Variants in WDR36 observed in about 807,000 individuals in gnomAD.
The protein encoded by WDR36 is WD repeat-containing protein 36.
Under a neutral mutation model 112.7 loss-of-function variants are expected in WDR36, and 63 were observed. The observed-to-expected ratio is 0.56, with a 90% CI of 0.46 to 0.69. The LOEUF is 0.69. Ranked by LOEUF, WDR36 falls within the 30% of genes least tolerant of loss-of-function variation. The pLI is 0.00. For synonymous variants in WDR36, 410 were observed against 362.2 expected (o/e 1.13, Z -1.50); for missense variants, 1,226 against 1,070.3 (o/e 1.15, Z -2.03).
Position 111,092,406 on chromosome 5 carries a change from A to G in WDR36, c.-51A>G. On this transcript the variant is annotated 5_prime_UTR_variant, in exon 1 of 23. Transcript: ENST00000513710. ...ACTAGACACGCTGAAGGGACTGGGT[A>G]CGTGTTTTCCTTCAGGACCAGAGCT... 5 of 1,614,214 alleles carry G rather than the reference A, an allele frequency of 3.1e-6. No individual in the cohort carries two copies. The highest frequency in any genetic ancestry group is 2.2e-5 in the East Asian group (1 of 44,882).
rs763184729 is a variant in WDR36, at chr5:111,113,135, G to A, written c.1778G>A (p.Trp593Ter). Residue 593 changes from tryptophan to a stop codon, truncating the protein, a stop_gained, in exon 16 of 23, where the codon TGG becomes TAG. Transcript: ENST00000513710. LOFTEE classifies it high-confidence loss of function. ...GCGATGGATTGCTCTATTAGGACTT[G>A]GGACCTTCCTTCTGGGTGGTAAGTT... is the stretch of plus-strand genomic sequence containing the variant. ...SAAMDCSIRT[W>*]DLPSGCLIDC... 1.3e-6 allele frequency: 2 copies of A among 1,588,540 alleles called. No individual in the cohort carries two copies. Among genetic ancestry groups the A allele is most frequent in the Non-Finnish European group, 1.7e-6 (2 of 1,164,612 alleles).
intron 5 of WDR36, among the ~76,000 whole-genome samples, chr5:111,101,309 G>C (rs1753116003): frequency 6.6e-6 from 1 of 151,890 alleles, no homozygotes; most frequent in South Asian, 2.1e-4. Flanking sequence ...TTGCTATAGA[G>C]AAGGCTCTAA....
intron 16 of WDR36, among the ~76,000 whole-genome samples, chr5:111,118,450 A>G (rs1275449665): frequency 1.3e-5 from 2 of 152,132 alleles, no homozygotes; most frequent in African/African-American, 4.8e-5. Context: ...GTTTCCATAA[A>G]TTGCTTTATG....
chr5:111,118,941 A>G, intron 16 of WDR36, 72 bp from the exon 17 acceptor site: 1 of 1,318,068 alleles, frequency 7.6e-7, no homozygotes. Flanking sequence ...TCTTTTTGGC[A>G]AAAATATTTT....
intron 1 of WDR36, among the ~76,000 whole-genome samples, chr5:111,094,197 G>T (rs1752929306): frequency 6.6e-6 from 1 of 152,206 alleles, no homozygotes. Context: ...TGGTGGTAGT[G>T]ATGGTAGTAG....
intron 19 of WDR36, among the ~76,000 whole-genome samples, chr5:111,122,834 AGGT>A (rs1753595010): frequency 6.6e-6 from 1 of 152,148 alleles, no homozygotes; most frequent in Non-Finnish European, 1.5e-5. Context: ...TGTTCCTGAG[AGGT>A]GGGGCACGGT....
intron 16 of WDR36, among the ~76,000 whole-genome samples, chr5:111,118,062 G>C (rs571149986): frequency 6.6e-6 from 1 of 152,232 alleles, no homozygotes; most frequent in African/African-American, 2.4e-5. Flanking sequence ...AGTTTTTATG[G>C]AAGTGAAGAT....
chr5:111,126,596 G>A, intron 22 of WDR36, 138 bp from the exon 23 acceptor site: 1 of 926,742 alleles, frequency 1.1e-6, no homozygotes, highest in East Asian at 2.6e-5. Context: ...GGGAAAATGG[G>A]AGATAGTAAT....
Position 111,094,959 on chromosome 5 carries a change from CT to C in WDR36, c.190+15del. On this transcript the variant is annotated intron_variant, in intron 2 of 22. Coordinates refer to ENST00000513710, the MANE Select transcript of WDR36 (RefSeq NM_139281.3). ...TCTGGTTGCAGTAAGTAAGTATGGA[CT>C]TTATTCTGAATTTATGCACATCTAA... The C allele has an allele frequency of 6.2e-7, 1 of 1,604,284 alleles. No individual in the cohort carries two copies. The highest frequency in any genetic ancestry group is 1.7e-5 in the Admixed American group (1 of 59,188).
At chr5:111,116,237 C>T (rs1475515007) in intron 16 of WDR36, among the ~76,000 whole-genome samples, 1 of 151,880 alleles carries the variant, frequency 6.6e-6, no homozygotes, top group African/African-American at 2.4e-5. Context: ...CCATGAGCCA[C>T]GGTGCCCAGC....
chr5:111,113,238 G>A lies in WDR36; in HGVS notation c.1796+85G>A, dbSNP rs530717845. 13 of 757,966 alleles carry A rather than the reference G, an allele frequency of 1.7e-5. No individual in the cohort carries two copies. In the African/African-American group the frequency reaches 2.0e-4, roughly 11 times the overall value. The allele number at this position is 757,966 out of a possible 1,614,324, so 47.0% of individuals were successfully genotyped here. A position where few individuals can be genotyped will look rare whatever the true frequency, so the allele number is the denominator to read the frequency against. The stretch of plus-strand genomic sequence containing the variant: ...TGTGACTTTTACCGATAGTTAATGG[G>A]TTATATGCTTTTTCAATGTGACTAT... On this transcript the variant is annotated intron_variant, in intron 16 of 22. Transcript: ENST00000513710.
intron 17 of WDR36, 24 bp downstream of exon 17, chr5:111,119,144 T>A: frequency 1.9e-6 from 3 of 1,562,322 alleles, no homozygotes; most frequent in Non-Finnish European, 2.6e-6. Flanking sequence ...TACAGTTCTG[T>A]TTTGGGATGA....
At chr5:111,125,046 A>G (rs2112592708) in intron 21 of WDR36, among the ~76,000 whole-genome samples, 1 of 152,342 alleles carries the variant, frequency 6.6e-6, no homozygotes, top group African/African-American at 2.4e-5. Context: ...CCTAGGGTGC[A>G]TATGAAACAA....
chr5:111,100,577 T>A lies in WDR36; in HGVS notation c.410-12T>A, dbSNP rs368226961. 27 of 1,498,172 alleles carry A rather than the reference T, an allele frequency of 1.8e-5. No individual in the cohort carries two copies. The African/African-American group carries it at 3.4e-4, about 19-fold the overall frequency. The allele number at this position is 1,498,172 out of a possible 1,614,324, so 92.8% of individuals were successfully genotyped here. Reference sequence around the variant, plus strand: ...ATTTTATAAAAAATATTTATAACTTTCACTTTTGTAGAAGAATACCTGCAG... The same window carrying A: ...ATTTTATAAAAAATATTTATAACTTACACTTTTGTAGAAGAATACCTGCAG... On this transcript the variant is annotated splice_polypyrimidine_tract_variant and intron_variant, in intron 4 of 22. Transcript: ENST00000513710.
intron 5 of WDR36, among the ~76,000 whole-genome samples, chr5:111,100,962 A>T (rs1753110385): frequency 6.6e-6 from 1 of 152,030 alleles, no homozygotes; most frequent in Non-Finnish European, 1.5e-5. Flanking sequence ...GTACAGTATA[A>T]CAGCTATTTA....
At chr5:111,115,573 A>ATTTGC (rs1275171829) in intron 16 of WDR36, among the ~76,000 whole-genome samples, 1 of 152,054 alleles carries the variant, frequency 6.6e-6, no homozygotes, top group Non-Finnish European at 1.5e-5. Flanking sequence ...GTATGAACTG[A>ATTTGC]TTTGCTTGGA....
Position 111,092,349 on chromosome 5 carries a change from T to C in WDR36, c.-108T>C, listed in dbSNP as rs766092867. On this transcript the variant is annotated 5_prime_UTR_variant, in exon 1 of 23. Transcript: ENST00000513710. ...TTCGCAGCGGGCGCCGGAAGCGGTG[T>C]TGTGTCTGCAGCTCTGGCAGAGGAC... The C allele has an allele frequency of 4.3e-6, 7 of 1,614,194 alleles. No individual in the cohort carries two copies. In the East Asian group the frequency reaches 1.6e-4, roughly 36 times the overall value.
Position 111,110,876 on chromosome 5 carries a change from G to A in WDR36, c.1530G>A (p.Trp510Ter). ...TTGSEGLLKF[W>*]NFKNKILIHS... ...GTAGTGAAGGATTACTCAAATTCTG[G>A]AACTTTAAAAACAAAATTTTAATCC... The change falls in exon 14 of 23, where the codon TGG becomes TGA. Residue 510 changes from tryptophan (W) to a stop codon, truncating the protein, a stop_gained. Transcript: ENST00000513710. LOFTEE classifies it high-confidence loss of function. The A allele has an allele frequency of 6.2e-7, 1 of 1,611,626 alleles. No homozygotes were observed. Among genetic ancestry groups the A allele is most frequent in the Non-Finnish European group, 8.5e-7 (1 of 1,178,486 alleles).
intron 3 of WDR36, 131 bp from the exon 4 acceptor site, chr5:111,098,591 G>A (rs1022509647): frequency 4.3e-6 from 3 of 699,566 alleles, no homozygotes; most frequent in Admixed American, 2.1e-5. Flanking sequence ...TCCTAACCTT[G>A]AATAATCAAA....
Sources: gnomAD v4.1 joint callset for allele counts (sites outside exome capture counted in the v4.1 genomes callset) on GRCh38, gnomAD v4.1.1 for gene constraint, MANE v1.5 for transcripts, NCBI Gene and HGNC (gene_info 2026-07-23, HGNC 2026-07-21) for gene names.